The following LAMA1 variants were observed in gnomAD, a reference collection of about 807,000 sequenced individuals.
LAMA1 encodes the protein laminin subunit alpha-1.
A neutral mutation model predicts 348.7 loss-of-function variants in LAMA1; 219 were observed. The observed-to-expected ratio is 0.63, with a 90% CI of 0.56 to 0.70. LAMA1 has a LOEUF of 0.70. Among genes scored for constraint, LAMA1 ranks in the 30% least tolerant of loss-of-function variants. LAMA1 has a pLI of 0.00. For missense variants in LAMA1, 3,744 were observed against 3,888.0 expected, an observed-to-expected ratio of 0.96 and a Z score of 0.99; for synonymous variants, 1,487 against 1,491.0, an observed-to-expected ratio of 1.00 and a Z score of 0.06.
chr18:6,982,319 T>A (rs1474361888), intron 41 of LAMA1, among the ~76,000 whole-genome samples, 178 bp downstream of exon 41: 1 of 152,188 alleles, frequency 6.6e-6, no homozygotes, highest in East Asian at 1.9e-4. Context: ...ATATGAAGTT[T>A]ATATGATAGG....
At chr18:7,084,468 G>A (rs1235441657) in intron 1 of LAMA1, among the ~76,000 whole-genome samples, 1 of 152,170 alleles carries the variant, frequency 6.6e-6, no homozygotes, top group Non-Finnish European at 1.5e-5. Flanking sequence ...AAATTAGTCT[G>A]CATGTTTTTT....
chr18:7,000,119 CT>C (rs1377078208), intron 30 of LAMA1, 122 bp from the exon 31 acceptor site: 10 of 719,340 alleles, frequency 1.4e-5, no homozygotes, highest in African/African-American at 3.6e-5. Flanking sequence ...TTACACATAG[CT>C]TTTTAGAGCT....
intron 22 of LAMA1, 123 bp downstream of exon 22, chr18:7,015,599 T>TTG: frequency 1.6e-6 from 2 of 1,260,390 alleles, no homozygotes; most frequent in Non-Finnish European, 2.2e-6. Context: ...TTTTTTTTTT[T>TTG]TTTTTAAATT....
rs916400557 is a variant in LAMA1 at position 6,982,442 on chromosome 18, A to C, written c.5890+55T>G. On this transcript the variant is annotated intron_variant, in intron 41 of 62. Coordinates refer to ENST00000389658, the MANE Select transcript of LAMA1 (RefSeq NM_005559.4). ...AGGAGAACATTCTTAGAGGCTGCTC[A>C]GCGAGACGCTCACGCTCACTCTGCC... 9 of 1,405,296 alleles carry C rather than the reference A, an allele frequency of 6.4e-6. No homozygotes were observed. The Admixed American group carries it at 1.0e-4, about 16-fold the overall frequency. 87.1% of individuals were successfully genotyped at this position (1,405,296 alleles called of 1,614,324 possible). A position where few individuals can be genotyped will look rare whatever the true frequency, so the allele number is the denominator to read the frequency against.
intron 10 of LAMA1, among the ~76,000 whole-genome samples, chr18:7,039,247 T>C (rs1195394734): frequency 6.6e-6 from 1 of 152,226 alleles, no homozygotes; most frequent in Non-Finnish European, 1.5e-5. Flanking sequence ...CATTTCAAAA[T>C]CTGAAGAGAG....
At chr18:6,977,968 G>T in intron 43 of LAMA1, 87 bp from the exon 44 acceptor site, 1 of 1,426,660 alleles carries the variant, frequency 7.0e-7, no homozygotes, top group Non-Finnish European at 9.7e-7. Context: ...CAATGCACTT[G>T]GTAAAACAAC....
intron 13 of LAMA1, among the ~76,000 whole-genome samples, chr18:7,035,218 C>G (rs1432566591): frequency 6.6e-6 from 1 of 152,074 alleles, no homozygotes; most frequent in African/African-American, 2.4e-5. Context: ...TTGGGGAGTC[C>G]TCCTGACTGA....
intron 47 of LAMA1, among the ~76,000 whole-genome samples, chr18:6,972,845 C>A (rs8087100): frequency 1.3e-5 from 2 of 152,190 alleles, no homozygotes; most frequent in African/African-American, 4.8e-5. Context: ...CATGTGCCAC[C>A]ACACCCGGCT....
intron 16 of LAMA1, among the ~76,000 whole-genome samples, chr18:7,029,783 A>G (rs1359398590): frequency 6.6e-6 from 1 of 152,230 alleles, no homozygotes; most frequent in African/African-American, 2.4e-5. Flanking sequence ...GAAAATACAC[A>G]GACTTCTCCT....
intron 11 of LAMA1, among the ~76,000 whole-genome samples, 181 bp from the exon 12 acceptor site, chr18:7,037,932 C>T (rs1363440841): frequency 6.6e-6 from 1 of 152,042 alleles, no homozygotes; most frequent in Non-Finnish European, 1.5e-5. Context: ...TTGTAAAGGA[C>T]CAGGAGGACC....
intron 1 of LAMA1, among the ~76,000 whole-genome samples, chr18:7,096,110 A>ATG (rs2058260250): frequency 6.6e-6 from 1 of 152,186 alleles, no homozygotes; most frequent in Non-Finnish European, 1.5e-5. Flanking sequence ...GGTATGGTAT[A>ATG]TGTGTGTGTG....
At chr18:7,014,615 G>A in intron 22 of LAMA1, among the ~76,000 whole-genome samples, 1 of 151,256 alleles carries the variant, frequency 6.6e-6, no homozygotes, top group East Asian at 1.9e-4. Context: ...ACTCCAGCCT[G>A]GGTGACAGAG....
chr18:6,975,167 C>T (rs973550446), intron 45 of LAMA1, 131 bp from the exon 46 acceptor site: 111 of 1,122,680 alleles, frequency 9.9e-5, no homozygotes, highest in Non-Finnish European at 1.3e-4. Context: ...AAGCAAACCC[C>T]CCAAATCTAT....
chr18:7,049,122 T>C lies in LAMA1; in HGVS notation c.724A>G (p.Ser242Gly), dbSNP rs2058053033. The change falls in exon 5 of 63, where the codon AGC (serine) becomes GGC (glycine). Residue 242 changes from serine (S) to glycine (G), a missense_variant. Coordinates refer to ENST00000389658, the MANE Select transcript of LAMA1 (RefSeq NM_005559.4). Reference protein sequence around the residue: ...RTLNADLMTLSHREPKELDPI... With the variant: ...RTLNADLMTLGHREPKELDPI... ...TCCAGTTCTTTAGGTTCCCGGTGGC[T>C]AAGGGTCATGAGATCTGCATTGAGC... The C allele has an allele frequency of 3.7e-6, 6 of 1,614,010 alleles. No homozygotes were observed. Among genetic ancestry groups the C allele is most frequent in the African/African-American group, 2.7e-5 (2 of 74,916 alleles).
chr18:7,075,973 T>G (rs1358021812), intron 3 of LAMA1, among the ~76,000 whole-genome samples: 1 of 152,020 alleles, frequency 6.6e-6, no homozygotes, highest in African/African-American at 2.4e-5. Flanking sequence ...AATGCAATTA[T>G]TGACTCAGTG....
chr18:7,093,541 C>T (rs905672756), intron 1 of LAMA1, among the ~76,000 whole-genome samples: 1 of 152,130 alleles, frequency 6.6e-6, no homozygotes, highest in Non-Finnish European at 1.5e-5. Flanking sequence ...CCAAAATCCA[C>T]CTGCAAGCAC....
intron 21 of LAMA1, 138 bp downstream of exon 21, chr18:7,016,353 A>C: frequency 1.0e-6 from 1 of 961,804 alleles, no homozygotes; most frequent in South Asian, 1.4e-5. Flanking sequence ...CAGAAACCAG[A>C]AAAAAGGTAT....
At chr18:7,085,697 C>A (rs1354818453) in intron 1 of LAMA1, among the ~76,000 whole-genome samples, 1 of 152,114 alleles carries the variant, frequency 6.6e-6, no homozygotes, top group East Asian at 1.9e-4. Flanking sequence ...GGATTACAGG[C>A]GTGAGCCACC....
chr18:6,958,318 C>A (rs2057589915), intron 55 of LAMA1, among the ~76,000 whole-genome samples, 159 bp downstream of exon 55: 1 of 152,106 alleles, frequency 6.6e-6, no homozygotes, highest in African/African-American at 2.4e-5. Flanking sequence ...TAAAATCCAT[C>A]TGGGGAGACT....
Sources: allele counts gnomAD v4.1 joint callset (sites outside exome capture counted in the v4.1 genomes callset), GRCh38; gene constraint gnomAD v4.1.1; transcripts MANE v1.5; gene names NCBI Gene and HGNC (gene_info 2026-07-23, HGNC 2026-07-21).